CCDC3: variants seen among roughly 807,000 people sequenced by gnomAD.
The protein encoded by CCDC3 is coiled-coil domain-containing protein 3.
A neutral mutation model predicts 21.4 loss-of-function variants in CCDC3; 24 were observed. That is an observed-to-expected ratio of 1.12 (90% CI 0.81 to 1.58). The LOEUF is 1.58. CCDC3 is among the 40% of genes most tolerant of loss of function. CCDC3 has a pLI of 0.00. For synonymous variants in CCDC3, 186 were observed against 166.0 expected, an observed-to-expected ratio of 1.12 and a Z score of -0.93; for missense variants, 425 against 360.9, an observed-to-expected ratio of 1.18 and a Z score of -1.44.
At chr10:13,096,509 C>T (rs578125956) in intron 3 of CCDC3, among the ~76,000 whole-genome samples, 45 of 152,158 alleles carry the variant, frequency 3.0e-4, no homozygotes, top group African/African-American at 9.6e-4. Flanking sequence ...CAGGGGTGTA[C>T]GGAAACCTAT....
At chr10:12,906,140 G>C (rs1479873301) in intron 2 of CCDC3, among the ~76,000 whole-genome samples, 1 of 152,166 alleles carries the variant, frequency 6.6e-6, no homozygotes, top group African/African-American at 2.4e-5. Flanking sequence ...TGAATGACTC[G>C]ACAGGACCAC....
At chr10:13,091,691 T>C (rs1211044768) in intron 3 of CCDC3, among the ~76,000 whole-genome samples, 1 of 152,062 alleles carries the variant, frequency 6.6e-6, no homozygotes, top group Non-Finnish European at 1.5e-5. Flanking sequence ...TTCTCTCCCC[T>C]CCATCTGCAT....
intron 2 of CCDC3, 26 bp from the exon 3 acceptor site, chr10:12,898,705 A>T: frequency 6.2e-7 from 1 of 1,610,562 alleles, no homozygotes; most frequent in Non-Finnish European, 8.5e-7. Context: ...GCGTGCAAGG[A>T]GAGGAGGTGA....
At chr10:12,948,956 C>A (rs1021000598) in intron 2 of CCDC3, among the ~76,000 whole-genome samples, 10 of 151,930 alleles carry the variant, frequency 6.6e-5, no homozygotes, top group Admixed American at 6.6e-4. Flanking sequence ...TGGTCTTGAT[C>A]TCCTGACCTC....
intron 4 of CCDC3, among the ~76,000 whole-genome samples, chr10:13,073,537 T>G (rs1836912444): frequency 8.9e-6 from 1 of 112,700 alleles, no homozygotes; most frequent in Non-Finnish European, 2.0e-5. Context: ...GATCTCACTC[T>G]GTCACCCAGG....
chr10:13,079,731 CT>C (rs1414173045), intron 3 of CCDC3, among the ~76,000 whole-genome samples: 1 of 152,178 alleles, frequency 6.6e-6, no homozygotes, highest in Non-Finnish European at 1.5e-5. Context: ...TCCCTTTCCC[CT>C]CTTCTCAGGG....
Position 12,966,894 on chromosome 10 carries a change from G to A in CCDC3, c.549+31444C>T, listed in dbSNP as rs146075764. On this transcript the variant is annotated intron_variant, in intron 2 of 2. Coordinates refer to ENST00000378825, the MANE Select transcript of CCDC3 (RefSeq NM_031455.4). ...CAGTTTCCCGTATCTTATCTCTTTG[G>A]GTCTCCTCAACAAACCTGGGAGGAA... Among the ~76,000 whole-genome samples the A allele has an allele frequency of 1.8e-3, 274 of 152,156 alleles. 3 individuals carry two copies. In the Middle Eastern group the frequency reaches 0.034, roughly 19 times the overall value.
intron 2 of CCDC3, among the ~76,000 whole-genome samples, chr10:12,933,898 G>A (rs551663314): frequency 2.0e-5 from 3 of 152,074 alleles, no homozygotes; most frequent in South Asian, 2.1e-4. Context: ...TCTTTTCAAA[G>A]AATCAGCTCT....
At chr10:13,015,569 T>A (rs927487042) in intron 5 of CCDC3, among the ~76,000 whole-genome samples, 1 of 151,968 alleles carries the variant, frequency 6.6e-6, no homozygotes, top group African/African-American at 2.4e-5. Context: ...GACCCCCAAT[T>A]TATAGAGAAG....
chr10:13,088,821 G>C (rs781509365), intron 3 of CCDC3, among the ~76,000 whole-genome samples: 38 of 152,236 alleles, frequency 2.5e-4, no homozygotes, highest in African/African-American at 8.7e-4. Flanking sequence ...TCAGGAGTTC[G>C]AGACCAGCCT....
At chr10:12,965,008 G>A (rs948119145) in intron 2 of CCDC3, among the ~76,000 whole-genome samples, 5 of 152,234 alleles carry the variant, frequency 3.3e-5, no homozygotes, top group African/African-American at 7.2e-5. Flanking sequence ...CTCAGTTGTC[G>A]TCAGTACCCC....
At chr10:12,948,205 C>T (rs535185678) in intron 2 of CCDC3, among the ~76,000 whole-genome samples, 18 of 152,316 alleles carry the variant, frequency 1.2e-4, no homozygotes, top group Admixed American at 3.9e-4. Context: ...CCTGCCACCA[C>T]ATAAGATGTG....
intron 5 of CCDC3, among the ~76,000 whole-genome samples, chr10:13,022,040 G>A (rs1193388203): frequency 6.6e-6 from 1 of 152,128 alleles, no homozygotes; most frequent in East Asian, 1.9e-4. Context: ...GATTACAGGT[G>A]TGAGCTACCA....
chr10:13,069,163 G>A (rs917404125), intron 4 of CCDC3, among the ~76,000 whole-genome samples: 1 of 152,216 alleles, frequency 6.6e-6, no homozygotes, highest in Non-Finnish European at 1.5e-5. Flanking sequence ...GCTGAGGCAG[G>A]AGAAGCACTT....
At chr10:12,903,424 G>GA (rs149018712) in intron 2 of CCDC3, among the ~76,000 whole-genome samples, 1 of 152,076 alleles carries the variant, frequency 6.6e-6, no homozygotes, top group African/African-American at 2.4e-5. Context: ...GCTTTAAAAA[G>GA]AAAAAAAGGT....
intron 2 of CCDC3, among the ~76,000 whole-genome samples, chr10:12,971,333 A>G (rs1564303497): frequency 6.6e-6 from 1 of 152,276 alleles, no homozygotes; most frequent in East Asian, 1.9e-4. Context: ...GAATGAGGAC[A>G]TTTGCTTGCC....
At chr10:13,094,416 C>T (rs1832609461) in intron 3 of CCDC3, among the ~76,000 whole-genome samples, 2 of 152,004 alleles carry the variant, frequency 1.3e-5, no homozygotes. Flanking sequence ...GCCACCATGC[C>T]CAGCTAATTT....
At chr10:12,989,571 GCCA>G (rs1835650146) in intron 2 of CCDC3, among the ~76,000 whole-genome samples, 1 of 152,036 alleles carries the variant, frequency 6.6e-6, no homozygotes, top group Non-Finnish European at 1.5e-5. Context: ...ACAGGCACGT[GCCA>G]CCACACCTGG....
intron 2 of CCDC3, among the ~76,000 whole-genome samples, chr10:12,971,429 C>G (rs533274505): frequency 2.6e-5 from 4 of 152,310 alleles, no homozygotes; most frequent in African/African-American, 7.2e-5. Flanking sequence ...CTGTAGCCCA[C>G]CGCAGATGGA....
Sources: gnomAD v4.1 joint callset for allele counts (sites outside exome capture counted in the v4.1 genomes callset) on GRCh38, gnomAD v4.1.1 for gene constraint, MANE v1.5 for transcripts, NCBI Gene and HGNC (gene_info 2026-07-23, HGNC 2026-07-21) for gene names.